Variants in RPH3AL observed in about 807,000 individuals in gnomAD.
The protein encoded by RPH3AL is rab effector Noc2.
A neutral mutation model predicts 43.1 loss-of-function variants in RPH3AL; 38 were observed. The ratio of observed to expected loss-of-function variants is 0.88; its 90% confidence interval spans 0.68 to 1.15. RPH3AL has a LOEUF of 1.15. RPH3AL is among the 50% of genes most tolerant of loss of function. RPH3AL has a pLI of 0.00. For synonymous variants in RPH3AL, 189 were observed against 176.3 expected (o/e 1.07, Z -0.57); for missense variants, 462 against 423.2 (o/e 1.09, Z -0.81).
intron 5 of RPH3AL, among the ~76,000 whole-genome samples, chr17:305,483 A>C (rs1475342600): frequency 1.3e-5 from 2 of 152,062 alleles, no homozygotes; most frequent in African/African-American, 4.8e-5. Flanking sequence ...AGGCAGCTTC[A>C]CAAGGTTACA....
At chr17:284,567 G>A (rs1351850959) in intron 5 of RPH3AL, among the ~76,000 whole-genome samples, 1 of 151,886 alleles carries the variant, frequency 6.6e-6, no homozygotes, top group East Asian at 2.0e-4. Context: ...TGGACAGTCT[G>A]GCCCTGCCCT....
At chr17:304,617 G>A (rs1005747106) in intron 5 of RPH3AL, among the ~76,000 whole-genome samples, 10 of 152,102 alleles carry the variant, frequency 6.6e-5, no homozygotes, top group Admixed American at 3.3e-4. Context: ...AGGCTGTCAC[G>A]ACGATTCCAC....
At chr17:266,231 C>T (rs59749657) in intron 6 of RPH3AL, among the ~76,000 whole-genome samples, 5 of 138,548 alleles carry the variant, frequency 3.6e-5, no homozygotes, top group East Asian at 2.1e-4. Context: ...TGTGTGTGTG[C>T]GTGCACCTGC....
chr17:320,561 C>G (rs2151698880), intron 4 of RPH3AL, among the ~76,000 whole-genome samples: 1 of 152,184 alleles, frequency 6.6e-6, no homozygotes, highest in South Asian at 2.1e-4. Context: ...GTCGCTTGAG[C>G]CCAGGAAGTT....
chr17:295,083 G>A (rs1326876560), intron 5 of RPH3AL, among the ~76,000 whole-genome samples: 8 of 137,640 alleles, frequency 5.8e-5, no homozygotes, highest in Admixed American at 2.9e-4. Context: ...GTGTGGGAAG[G>A]ACAGAGGAGC....
chr17:336,470 G>A (rs900240887), intron 1 of RPH3AL, among the ~76,000 whole-genome samples: 9 of 151,850 alleles, frequency 5.9e-5, no homozygotes, highest in East Asian at 5.9e-4. Flanking sequence ...CACCGCCCCC[G>A]GGCACCCTGC....
chr17:305,066 G>C lies in RPH3AL; in HGVS notation c.351+14354C>G, dbSNP rs867359477. 1.2e-4 allele frequency among the ~76,000 whole-genome samples: 9 copies of C among 76,202 alleles called. 1 individual carries two copies. Among genetic ancestry groups the C allele is most frequent in the African/African-American group, 3.6e-4 (6 of 16,768 alleles). The allele number at this position is 76,202 out of a possible 152,430, so 50.0% of individuals were successfully genotyped here. A position where few individuals can be genotyped will look rare whatever the true frequency, so the allele number is the denominator to read the frequency against. ...CGAGAGGGGGACAGGGCGAGAGGGGGACAGGGCGGGAGGGGGACAGGGCGG... is the reference window on the plus strand; with the variant it reads ...CGAGAGGGGGACAGGGCGAGAGGGGCACAGGGCGGGAGGGGGACAGGGCGG... On this transcript the variant is annotated intron_variant, in intron 5 of 9. Coordinates refer to ENST00000331302, the MANE Select transcript of RPH3AL (RefSeq NM_006987.4).
chr17:245,379 GTCAGTGTGTGTGTGGATA>G lies in RPH3AL; in HGVS notation c.613+1714_613+1731del, dbSNP rs1324230848. Among the ~76,000 whole-genome samples, 3 of 150,222 alleles carry G rather than the reference GTCAGTGTGTGTGTGGATA, an allele frequency of 2.0e-5. No individual in the cohort carries two copies. The highest frequency in any genetic ancestry group is 6.7e-5 in the Admixed American group (1 of 14,980). On this transcript the variant is annotated intron_variant, in intron 7 of 9. Coordinates refer to ENST00000331302, the MANE Select transcript of RPH3AL (RefSeq NM_006987.4). The surrounding 1 kb of genome is among the most constrained non-coding windows in gnomAD (Gnocchi z 5.9). ...TGGATGTCAGTGTGTGTGTGTGGAT[GTCAGTGTGTGTGTGGATA>G]TCAGTGTGTGTGTGTGCATGGTGAT...
At chr17:267,896 C>A (rs2042360339) in intron 6 of RPH3AL, among the ~76,000 whole-genome samples, 1 of 152,164 alleles carries the variant, frequency 6.6e-6, no homozygotes, top group South Asian at 2.1e-4. Flanking sequence ...AGCAAATCTA[C>A]AAAAGTGTAT....
chr17:249,697 T>G (rs1555541526), intron 6 of RPH3AL, among the ~76,000 whole-genome samples: 3 of 151,528 alleles, frequency 2.0e-5, no homozygotes, highest in Non-Finnish European at 4.4e-5. Flanking sequence ...AAAAAAGGTT[T>G]CTAATCACAT....
At chr17:285,314 C>G (rs1181225847) in intron 5 of RPH3AL, among the ~76,000 whole-genome samples, 4 of 152,190 alleles carry the variant, frequency 2.6e-5, no homozygotes, top group Non-Finnish European at 5.9e-5. Flanking sequence ...GGATGGCAGA[C>G]CTGGGTGGGC....
intron 6 of RPH3AL, among the ~76,000 whole-genome samples, chr17:254,521 G>A (rs376456428): frequency 1.3e-3 from 11 of 8,788 alleles, no homozygotes; most frequent in African/African-American, 2.7e-3. Flanking sequence ...GCTGCACGGC[G>A]TCTGTCCTTT....
At chr17:241,265 G>A (rs544731818) in intron 7 of RPH3AL, among the ~76,000 whole-genome samples, 2 of 152,038 alleles carry the variant, frequency 1.3e-5, no homozygotes, top group East Asian at 1.9e-4. Context: ...GTGCAGTGGT[G>A]TGCACCTGTA....
intron 6 of RPH3AL, among the ~76,000 whole-genome samples, chr17:260,253 C>T (rs559510223): frequency 5.9e-5 from 9 of 152,330 alleles, no homozygotes; most frequent in Admixed American, 5.9e-4. Flanking sequence ...CAGTGGGTGC[C>T]CCTTCATGCA....
chr17:229,762 G>A (rs2041186344), intron 7 of RPH3AL, among the ~76,000 whole-genome samples: 1 of 152,140 alleles, frequency 6.6e-6, no homozygotes, highest in South Asian at 2.1e-4. Flanking sequence ...CTCCGGGCCA[G>A]GGTGCAGGGT....
chr17:332,717 C>A, intron 2 of RPH3AL: 1 of 269,632 alleles, frequency 3.7e-6, no homozygotes, highest in Non-Finnish European at 7.5e-6. Flanking sequence ...GGTAGTCGGC[C>A]TCAAGGCAGC....
At chr17:336,386 C>A (rs540333952) in intron 1 of RPH3AL, among the ~76,000 whole-genome samples, 3 of 152,194 alleles carry the variant, frequency 2.0e-5, no homozygotes, top group Non-Finnish European at 4.4e-5. Flanking sequence ...ATGCACCAAG[C>A]GGGCTCGAGT....
intron 5 of RPH3AL, among the ~76,000 whole-genome samples, chr17:307,155 A>G (rs970014534): frequency 1.2e-4 from 17 of 146,830 alleles, no homozygotes; most frequent in Non-Finnish European, 2.1e-4. Context: ...GGTCCTCCCC[A>G]TGGCAGGCCC....
In RPH3AL at chr17:269,016, C is replaced by T. The variant is rs946476015; in HGVS notation, c.438+12752G>A. Among the ~76,000 whole-genome samples the T allele has an allele frequency of 1.5e-4, 23 of 152,142 alleles. No individual in the cohort carries two copies. In the East Asian group the frequency reaches 2.5e-3, roughly 17 times the overall value. On this transcript the variant is annotated intron_variant, in intron 6 of 9. Transcript: ENST00000331302. The stretch of plus-strand genomic sequence containing the variant: ...GCCTCAGCCTCCCGAGTAGCTGGGA[C>T]TACAGGCGCCCGCCACCACGCCTGG...
Sources: allele counts gnomAD v4.1 joint callset (sites outside exome capture counted in the v4.1 genomes callset), GRCh38; gene constraint gnomAD v4.1.1; non-coding constraint Gnocchi (gnomAD v3.1); transcripts MANE v1.5; gene names NCBI Gene and HGNC (gene_info 2026-07-23, HGNC 2026-07-21).